Variants in GRM7 observed in about 807,000 individuals in gnomAD.
GRM7 encodes metabotropic glutamate receptor 7.
GRM7 carries 35 observed loss-of-function variants against 84.5 expected under a neutral mutation model. The ratio of observed to expected loss-of-function variants is 0.41; its 90% CI spans 0.32 to 0.55. The LOEUF (loss-of-function observed/expected upper bound fraction) is 0.55, where lower values mean the gene tolerates loss of function less well. GRM7 is among the 20% of genes least tolerant of loss of function. The pLI is 0.19. For synonymous variants in GRM7, 487 were observed against 455.1 expected, an observed-to-expected ratio of 1.07 and a Z score of -0.89; for missense variants, 1,003 against 1,194.6, an observed-to-expected ratio of 0.84 and a Z score of 2.36.
intron 1 of GRM7, among the ~76,000 whole-genome samples, chr3:6,889,753 A>G (rs1248850003): frequency 6.6e-6 from 1 of 151,994 alleles, no homozygotes; most frequent in Non-Finnish European, 1.5e-5. Context: ...TCAGCAAATG[A>G]GTTAGGGAGG....
chr3:7,568,662 G>T (rs548341610), intron 7 of GRM7, among the ~76,000 whole-genome samples: 1 of 152,314 alleles, frequency 6.6e-6, no homozygotes, highest in Admixed American at 6.5e-5. Flanking sequence ...GTTTTGGTGG[G>T]TGTGGGCTCG....
chr3:7,407,822 C>T (rs1237151882), intron 4 of GRM7, among the ~76,000 whole-genome samples: 3 of 152,128 alleles, frequency 2.0e-5, no homozygotes, highest in Admixed American at 6.5e-5. Flanking sequence ...GACTGCAAAG[C>T]GAGGCTTTTC....
chr3:6,961,890 T>C (rs993946547), intron 1 of GRM7, among the ~76,000 whole-genome samples: 2 of 152,098 alleles, frequency 1.3e-5, no homozygotes, highest in African/African-American at 4.8e-5. Context: ...ATAAACATAC[T>C]ACACTACACC....
chr3:7,547,447 C>G (rs984706143), intron 7 of GRM7, among the ~76,000 whole-genome samples: 12 of 152,066 alleles, frequency 7.9e-5, no homozygotes, highest in Non-Finnish European at 1.5e-4. Context: ...ACCTCGTGAT[C>G]TGCCCGCCTC....
chr3:7,460,193 A>G (rs896841713), intron 6 of GRM7, among the ~76,000 whole-genome samples: 5 of 151,502 alleles, frequency 3.3e-5, no homozygotes, highest in African/African-American at 7.3e-5. Context: ...AACTAACTCA[A>G]CACAAGAATG....
At chr3:7,622,657 T>C (rs1025798011) in intron 8 of GRM7, among the ~76,000 whole-genome samples, 2 of 151,828 alleles carry the variant, frequency 1.3e-5, no homozygotes, top group African/African-American at 4.8e-5. Flanking sequence ...TAGGGTTCAG[T>C]AAGGGAGGCA....
intron 2 of GRM7, among the ~76,000 whole-genome samples, chr3:7,250,031 C>T (rs569307923): frequency 2.6e-5 from 4 of 152,250 alleles, no homozygotes; most frequent in African/African-American, 9.6e-5. Flanking sequence ...AGAAGTTAGT[C>T]GCACGGTCCC....
At chr3:7,022,054 A>T (rs1365966251) in intron 1 of GRM7, among the ~76,000 whole-genome samples, 1 of 152,156 alleles carries the variant, frequency 6.6e-6, no homozygotes, top group Non-Finnish European at 1.5e-5. Context: ...TAGGCCGGGG[A>T]CAGGGGTTCA....
At chr3:7,220,046 A>G (rs1696748563) in intron 2 of GRM7, among the ~76,000 whole-genome samples, 1 of 152,358 alleles carries the variant, frequency 6.6e-6, no homozygotes, top group East Asian at 1.9e-4. Flanking sequence ...ATGGATATCC[A>G]TAAGTCCCTG....
intron 2 of GRM7, among the ~76,000 whole-genome samples, chr3:7,224,161 G>C (rs191056693): frequency 6.6e-6 from 1 of 152,164 alleles, no homozygotes; most frequent in East Asian, 1.9e-4. Context: ...AGTTCTGCAG[G>C]CTGTACAGGA....
Position 7,110,435 on chromosome 3 carries a change from T to C in GRM7, c.520-36017T>C, listed in dbSNP as rs190892768. Among the ~76,000 whole-genome samples the C allele has an allele frequency of 2.6e-3, 395 of 152,122 alleles. 1 individual carries two copies. The highest frequency in any genetic ancestry group is 9.2e-3 in the African/African-American group (382 of 41,522). On this transcript the variant is annotated intron_variant, in intron 1 of 9. Transcript: ENST00000357716. Reference sequence around the variant, plus strand: ...GGCCAACATGGTGAAACCCCATTTCTACTAAAAATAAAAAAACTAGCTAGG... The same window carrying C: ...GGCCAACATGGTGAAACCCCATTTCCACTAAAAATAAAAAAACTAGCTAGG...
intron 5 of GRM7, among the ~76,000 whole-genome samples, chr3:7,420,628 G>T (rs1696354746): frequency 6.6e-6 from 1 of 152,068 alleles, no homozygotes; most frequent in African/African-American, 2.4e-5. Context: ...CGGAGTCTTG[G>T]TTGACATCTC....
intron 8 of GRM7, among the ~76,000 whole-genome samples, chr3:7,670,502 G>A (rs17047794): frequency 0.029 from 4,461 of 152,196 alleles, 229 homozygotes; most frequent in African/African-American, 0.1. Flanking sequence ...TGACACTGTT[G>A]GATCTAGTTT....
intron 2 of GRM7, among the ~76,000 whole-genome samples, chr3:7,228,944 A>G (rs1243947041): frequency 6.6e-6 from 1 of 152,248 alleles, no homozygotes; most frequent in African/African-American, 2.4e-5. Flanking sequence ...AACTTGAGAA[A>G]TGTTGACATA....
intron 1 of GRM7, among the ~76,000 whole-genome samples, chr3:7,114,069 T>A (rs941114200): frequency 1.3e-5 from 2 of 152,180 alleles, no homozygotes; most frequent in Admixed American, 1.3e-4. Context: ...GATACTGAAA[T>A]TTTTAAAATC....
At chr3:7,132,978 T>C (rs544003196) in intron 1 of GRM7, among the ~76,000 whole-genome samples, 1 of 152,180 alleles carries the variant, frequency 6.6e-6, no homozygotes, top group Non-Finnish European at 1.5e-5. Flanking sequence ...AACATACTTA[T>C]ACAAGTGGTG....
At chr3:7,443,538 A>G (rs1575343564) in intron 5 of GRM7, among the ~76,000 whole-genome samples, 2 of 151,876 alleles carry the variant, frequency 1.3e-5, no homozygotes, top group African/African-American at 4.8e-5. Flanking sequence ...ACTTCTTGCC[A>G]TTTGTCAAAA....
At chr3:7,130,430 G>T (rs73122319) in intron 1 of GRM7, among the ~76,000 whole-genome samples, 2 of 151,678 alleles carry the variant, frequency 1.3e-5, no homozygotes, top group South Asian at 4.2e-4. Flanking sequence ...GTAATCCCAG[G>T]TACTTGAGAG....
At chr3:6,937,478 T>C (rs1046062080) in intron 1 of GRM7, among the ~76,000 whole-genome samples, 2 of 152,140 alleles carry the variant, frequency 1.3e-5, no homozygotes, top group African/African-American at 4.8e-5. Context: ...TTGACATGAA[T>C]GCATCTAGTA....
Sources: allele counts gnomAD v4.1 joint callset (sites outside exome capture counted in the v4.1 genomes callset), GRCh38; gene constraint gnomAD v4.1.1; transcripts MANE v1.5; gene names NCBI Gene and HGNC (gene_info 2026-07-23, HGNC 2026-07-21).